Variants in NDUFAF2 observed in about 807,000 individuals in gnomAD.
NDUFAF2 encodes NADH:ubiquinone oxidoreductase complex assembly factor 2, also known as NADH dehydrogenase [ubiquinone] 1 alpha subcomplex assembly factor 2.
In NDUFAF2, 13 loss-of-function variants were observed where a neutral mutation model predicts 22.8. The observed-to-expected ratio is 0.57, with a 90% CI of 0.37 to 0.91. The LOEUF (loss-of-function observed/expected upper bound fraction) is 0.91, where lower values mean the gene tolerates loss of function less well. NDUFAF2 is among the 40% of genes least tolerant of loss of function. NDUFAF2 has a pLI of 0.01. For synonymous variants in NDUFAF2, 53 were observed against 64.2 expected (o/e 0.83, Z 0.84); for missense variants, 162 against 195.2 (o/e 0.83, Z 1.01).
intron 2 of NDUFAF2, among the ~76,000 whole-genome samples, chr5:61,073,519 C>T (rs1173080804): frequency 6.6e-6 from 1 of 152,118 alleles, no homozygotes; most frequent in East Asian, 1.9e-4. Flanking sequence ...ATGTAGTGAC[C>T]CAGCACTTGC....
At chr5:61,128,045 C>A (rs1459566569) in intron 3 of NDUFAF2, among the ~76,000 whole-genome samples, 2 of 152,140 alleles carry the variant, frequency 1.3e-5, no homozygotes, top group African/African-American at 4.8e-5. Flanking sequence ...CTCCCATTCG[C>A]AATTGCTTCA....
intron 1 of NDUFAF2, among the ~76,000 whole-genome samples, chr5:61,007,465 A>C (rs567107126): frequency 1.3e-5 from 2 of 152,282 alleles, no homozygotes; most frequent in East Asian, 3.9e-4. Context: ...TGTGAAAACA[A>C]ACAACCCCAT....
intron 1 of NDUFAF2, among the ~76,000 whole-genome samples, chr5:60,972,538 A>G (rs1360595074): frequency 1.3e-5 from 2 of 152,054 alleles, no homozygotes; most frequent in Non-Finnish European, 2.9e-5. Flanking sequence ...GAGGCCTCCC[A>G]GGTATGCGGA....
chr5:60,965,858 A>G (rs1750752335), intron 1 of NDUFAF2, among the ~76,000 whole-genome samples: 1 of 152,000 alleles, frequency 6.6e-6, no homozygotes, highest in Admixed American at 6.6e-5. Flanking sequence ...TGGCATACTG[A>G]TTTCATTTCC....
chr5:61,128,951 A>C (rs1476179323), intron 3 of NDUFAF2, among the ~76,000 whole-genome samples: 2 of 152,228 alleles, frequency 1.3e-5, no homozygotes, highest in African/African-American at 4.8e-5. Context: ...ACAAATTTAC[A>C]AGAAAAAAAC....
At chr5:61,092,162 TTTTG>T (rs1752576625) in intron 2 of NDUFAF2, among the ~76,000 whole-genome samples, 1 of 152,020 alleles carries the variant, frequency 6.6e-6, no homozygotes, top group African/African-American at 2.4e-5. Context: ...TTGTTTTTTG[TTTTG>T]TTTGTTTTGT....
chr5:61,018,622 C>G (rs1386840149), intron 1 of NDUFAF2, among the ~76,000 whole-genome samples: 2 of 151,976 alleles, frequency 1.3e-5, no homozygotes, highest in Non-Finnish European at 2.9e-5. Flanking sequence ...TTTATTTATT[C>G]AATACCAGTT....
intron 1 of NDUFAF2, among the ~76,000 whole-genome samples, chr5:61,044,728 CT>C (rs1320855970): frequency 2.6e-5 from 4 of 152,044 alleles, no homozygotes; most frequent in Admixed American, 6.6e-5. Context: ...ATTACTATAG[CT>C]TTGTAATAGA....
At chr5:60,982,616 T>C (rs1751000902) in intron 1 of NDUFAF2, among the ~76,000 whole-genome samples, 1 of 144,800 alleles carries the variant, frequency 6.9e-6, no homozygotes, top group Admixed American at 7.2e-5. Context: ...GTTCTCATTG[T>C]TCAGTTCCCA....
At chr5:61,089,144 A>G (rs1752538562) in intron 2 of NDUFAF2, among the ~76,000 whole-genome samples, 1 of 152,118 alleles carries the variant, frequency 6.6e-6, no homozygotes. Context: ...ACTCACCTTT[A>G]ATCTTATTAT....
chr5:61,083,624 ACCTCGG>A (rs1347625893), intron 2 of NDUFAF2, among the ~76,000 whole-genome samples: 20 of 145,408 alleles, frequency 1.4e-4, no homozygotes. Context: ...TGATCTGCCC[ACCTCGG>A]CCTCCCAAAA....
intron 3 of NDUFAF2, among the ~76,000 whole-genome samples, chr5:61,131,426 A>G (rs1051899639): frequency 5.9e-5 from 9 of 152,012 alleles, no homozygotes; most frequent in African/African-American, 2.2e-4. Context: ...CCCAAAATGG[A>G]TGTTAACTCT....
At chr5:61,085,207 C>T (rs1367012599) in intron 2 of NDUFAF2, among the ~76,000 whole-genome samples, 2 of 152,090 alleles carry the variant, frequency 1.3e-5, no homozygotes, top group Admixed American at 6.6e-5. Context: ...ATACCATGAC[C>T]ATGTGGAGTT....
chr5:61,009,671 A>T (rs747275030), intron 1 of NDUFAF2, among the ~76,000 whole-genome samples: 1 of 152,150 alleles, frequency 6.6e-6, no homozygotes, highest in South Asian at 2.1e-4. Flanking sequence ...GTTCTCAGCT[A>T]ATTACTAGTC....
intron 1 of NDUFAF2, among the ~76,000 whole-genome samples, chr5:61,061,084 C>A (rs1355832235): frequency 6.6e-6 from 1 of 152,028 alleles, no homozygotes; most frequent in East Asian, 1.9e-4. Context: ...GTCACTGAAA[C>A]CCTAGGAAGG....
chr5:60,959,929 C>T (rs183014828), intron 1 of NDUFAF2, among the ~76,000 whole-genome samples: 1 of 152,244 alleles, frequency 6.6e-6, no homozygotes, highest in African/African-American at 2.4e-5. Flanking sequence ...AAAAACCCTT[C>T]TCCCTTACTT....
At chr5:61,112,448 G>A (rs934471409) in intron 3 of NDUFAF2, among the ~76,000 whole-genome samples, 54 of 151,526 alleles carry the variant, frequency 3.6e-4, no homozygotes, top group African/African-American at 1.1e-3. Flanking sequence ...TTCTGACCTC[G>A]TGATCCGCCC....
chr5:60,946,688 C>T (rs1388278826), intron 1 of NDUFAF2, among the ~76,000 whole-genome samples: 1 of 151,958 alleles, frequency 6.6e-6, no homozygotes, highest in East Asian at 1.9e-4. Flanking sequence ...TAACATTCAC[C>T]CTTTATGGTG....
intron 1 of NDUFAF2, 78 bp from the exon 2 acceptor site, chr5:61,073,047 G>A: frequency 1.2e-6 from 1 of 861,410 alleles, no homozygotes; most frequent in Non-Finnish European, 2.0e-6. Context: ...AAGGGGTTAT[G>A]CAATATTCAA....
Sources: allele counts gnomAD v4.1 joint callset (sites outside exome capture counted in the v4.1 genomes callset), GRCh38; gene constraint gnomAD v4.1.1; transcripts MANE v1.5; gene names NCBI Gene and HGNC (gene_info 2026-07-23, HGNC 2026-07-21).